Variants in ZBTB47 observed in about 807,000 individuals in gnomAD.
ZBTB47 encodes zinc finger and BTB domain containing 47.
In ZBTB47, 24 loss-of-function variants were observed where a neutral mutation model predicts 56.6. That is an observed-to-expected ratio of 0.42 (90% CI 0.31 to 0.60). ZBTB47 has a LOEUF of 0.60. ZBTB47 is among the 20% of genes least tolerant of loss of function. The pLI is 0.14. For synonymous variants in ZBTB47, 414 were observed against 418.9 expected, an observed-to-expected ratio of 0.99 and a Z score of 0.14; for missense variants, 829 against 1,032.6, an observed-to-expected ratio of 0.80 and a Z score of 2.70.
At chr3:42,657,588 G>A (rs1489319596) in intron 1 of ZBTB47, among the ~76,000 whole-genome samples, 1 of 152,198 alleles carries the variant, frequency 6.6e-6, no homozygotes, top group Non-Finnish European at 1.5e-5. Context: ...GTGGGGAGAA[G>A]GTATAGGCCC....
rs1436122951 is a variant in ZBTB47, at chr3:42,658,433, C to T, written c.78C>T (p.Ser26=). 16 of 1,536,916 alleles carry T rather than the reference C, an allele frequency of 1.0e-5. No individual in the cohort carries two copies. Among genetic ancestry groups the T allele is most frequent in the Admixed American group, 2.0e-5 (1 of 50,986 alleles). Residue 26 remains serine, a synonymous_variant, in exon 2 of 6, where the codon AGC becomes AGT. Coordinates refer to ENST00000232974, the MANE Select transcript of ZBTB47 (RefSeq NM_145166.4). ...DVDLVLVPQR[S]VFPAHKGVLA... ...ACTTGGTGCTGGTGCCCCAGCGCAG[C>T]GTCTTTCCGGCACACAAGGGTGTGC...
In ZBTB47 at chr3:42,656,501, T is replaced by C. The variant is rs1428311542; in HGVS notation, c.-81-1774T>C. On this transcript the variant is annotated intron_variant, in intron 1 of 5. Coordinates refer to ENST00000232974, the MANE Select transcript of ZBTB47 (RefSeq NM_145166.4). This position sits in a 1 kb window ranked among gnomAD's most constrained non-coding sequence, Gnocchi z 5.8. ...GCTTGGTGCCACGTCCCAGTTAGAT[T>C]GGCCAGGCCTGGACAGCCTGGGACA... is the stretch of plus-strand genomic sequence containing the variant. 1.3e-5 allele frequency among the ~76,000 whole-genome samples: 2 copies of C among 152,048 alleles called. No homozygotes were observed. The highest frequency in any genetic ancestry group is 1.3e-4 in the Admixed American group (2 of 15,288).
chr3:42,659,593 CA>C lies in ZBTB47; in HGVS notation c.1239del (p.Ser414ArgfsTer15). The stretch of plus-strand genomic sequence containing the variant: ...AAGCCACCCCCTGGAGTGGCCTCTG[CA>C]TCGGCCCGAGGGCCGCCAGCCACTG... ...RPKPPPGVASASARGPPATDG... is the reference protein window; with the variant it reads ...RPKPPPGVASXSARGPPATDG... On this transcript the variant is annotated frameshift_variant, in exon 2 of 6. Transcript: ENST00000232974. LOFTEE classifies it high-confidence loss of function. 1 of 1,600,342 alleles carries C rather than the reference CA, an allele frequency of 6.2e-7. No individual in the cohort carries two copies. The highest frequency in any genetic ancestry group is 8.5e-7 in the Non-Finnish European group (1 of 1,174,052).
chr3:42,663,262 AG>A lies in ZBTB47; in HGVS notation c.1737+137del, dbSNP rs1710743678. On this transcript the variant is annotated intron_variant, in intron 4 of 5. Transcript: ENST00000232974. This position sits in a 1 kb window ranked among gnomAD's most constrained non-coding sequence, Gnocchi z 5.1. ...CAGAAAGAGAGAGCCCTGCCCTCTG[AG>A]GTCTGCAGCCCCTGCCTCCCACTCC... 1 of 661,660 alleles carries A rather than the reference AG, an allele frequency of 1.5e-6. No individual in the cohort carries two copies. The highest frequency in any genetic ancestry group is 2.7e-6 in the Non-Finnish European group (1 of 377,176). 41.0% of individuals were successfully genotyped at this position (661,660 alleles called of 1,614,324 possible).
Position 42,663,961 on chromosome 3 carries a change from C to G in ZBTB47, c.1882+20C>G, listed in dbSNP as rs1177704860. 2 of 1,600,754 alleles carry G rather than the reference C, an allele frequency of 1.2e-6. No individual in the cohort carries two copies. Among genetic ancestry groups the G allele is most frequent in the East Asian group, 4.5e-5 (2 of 44,296 alleles). On this transcript the variant is annotated intron_variant, in intron 5 of 5. Coordinates refer to ENST00000232974, the MANE Select transcript of ZBTB47 (RefSeq NM_145166.4). The surrounding 1 kb of genome is among the most constrained non-coding windows in gnomAD (Gnocchi z 5.1). ...ACACAGGTGCGGCTGCCCCTGGGGACGGAGCTCGGTGCCGGGCCTGGGACC... is the reference window on the plus strand; with the variant it reads ...ACACAGGTGCGGCTGCCCCTGGGGAGGGAGCTCGGTGCCGGGCCTGGGACC...
rs1340543657 is a variant in ZBTB47, at chr3:42,663,571, C to T, written c.1738-226C>T. 2.0e-5 allele frequency among the ~76,000 whole-genome samples: 3 copies of T among 152,008 alleles called. No individual in the cohort carries two copies. Among genetic ancestry groups the T allele is most frequent in the Non-Finnish European group, 2.9e-5 (2 of 67,986 alleles). On this transcript the variant is annotated intron_variant, in intron 4 of 5. Coordinates refer to ENST00000232974, the MANE Select transcript of ZBTB47 (RefSeq NM_145166.4). The surrounding 1 kb of genome is among the most constrained non-coding windows in gnomAD (Gnocchi z 5.1). ...CTACTCTCTGGCTTTTTCCCACTTC[C>T]GACCCCCATTCCCCACCTAAGCCTT...
chr3:42,657,348 G>A (rs1190476827), intron 1 of ZBTB47, among the ~76,000 whole-genome samples: 1 of 152,242 alleles, frequency 6.6e-6, no homozygotes, highest in Non-Finnish European at 1.5e-5. Flanking sequence ...TACCTGACCT[G>A]GGGTCTGGGG....
rs1359937534 is a variant in ZBTB47, at chr3:42,658,946, C to T, written c.591C>T (p.Val197=). ...PFFKEEKEGG[V]EEAGGPPASL... is the part of the protein sequence containing the mutation. ...TTAAGGAGGAGAAGGAGGGTGGTGT[C>T]GAGGAGGCCGGTGGGCCCCCAGCCA... Residue 197 remains valine (V), a synonymous_variant, in exon 2 of 6, where the codon GTC becomes GTT. Transcript: ENST00000232974. 14 of 1,501,046 alleles carry T rather than the reference C, an allele frequency of 9.3e-6. No homozygotes were observed. Among genetic ancestry groups the T allele is most frequent in the South Asian group, 2.6e-5 (2 of 77,672 alleles). 93.0% of individuals were successfully genotyped at this position (1,501,046 alleles called of 1,614,324 possible).
In ZBTB47 at chr3:42,654,612, G is replaced by A. The variant is rs1372024516; in HGVS notation, c.-82+729G>A. 1 of 953,674 alleles carries A rather than the reference G, an allele frequency of 1.0e-6. No individual in the cohort carries two copies. Among genetic ancestry groups the A allele is most frequent in the Non-Finnish European group, 1.2e-6 (1 of 802,166 alleles). 59.1% of individuals were successfully genotyped at this position (953,674 alleles called of 1,614,324 possible). A position where few individuals can be genotyped will look rare whatever the true frequency, so the allele number is the denominator to read the frequency against. ...GCGCGGGGGCGGCCCCCAGCGCGGC[G>A]CTTCATGGAGCGGCCCTGGCCTGGC... On this transcript the variant is annotated intron_variant, in intron 1 of 5. Coordinates refer to ENST00000232974, the MANE Select transcript of ZBTB47 (RefSeq NM_145166.4). The surrounding 1 kb of genome is among the most constrained non-coding windows in gnomAD (Gnocchi z 5.0).
chr3:42,659,835 C>T lies in ZBTB47; in HGVS notation c.1473+7C>T, dbSNP rs563449485. On this transcript the variant is annotated splice_region_variant and intron_variant, in intron 2 of 5. Coordinates refer to ENST00000232974, the MANE Select transcript of ZBTB47 (RefSeq NM_145166.4). ...CTGCGAGCGCAACATCCAGGTGGGCCTCACGTGGCTGGGGGCAGGGCAGAG... is the reference window on the plus strand; with the variant it reads ...CTGCGAGCGCAACATCCAGGTGGGCTTCACGTGGCTGGGGGCAGGGCAGAG... The T allele has an allele frequency of 6.0e-4, 949 of 1,590,934 alleles. 8 individuals carry two copies. The highest frequency in any genetic ancestry group is 5.1e-3 in the Middle Eastern group (30 of 5,932).
At position 42,653,821 on chromosome 3, in the gene ZBTB47, G is replaced by A. The variant is rs3846059; in HGVS notation, c.-144G>A. 0.18 allele frequency: 26,679 copies of A among 152,398 alleles called. 2,861 individuals carry two copies. The highest frequency in any genetic ancestry group is 0.3 in the African/African-American group (12,528 of 41,508). 9.4% of individuals were successfully genotyped at this position (152,398 alleles called of 1,614,324 possible). On this transcript the variant is annotated 5_prime_UTR_variant, in exon 1 of 6. Transcript: ENST00000232974. ...TCACCTTAGATGATTTGATCGCTGCGGTTGTAGTCCTGGGATTTAAATCTC... is the reference window on the plus strand; with the variant it reads ...TCACCTTAGATGATTTGATCGCTGCAGTTGTAGTCCTGGGATTTAAATCTC...
Position 42,664,275 on chromosome 3 carries a change from T to C in ZBTB47, c.1921T>C (p.Phe641Leu). The change falls in exon 6 of 6, where the codon TTC becomes CTC. Residue 641 changes from phenylalanine (F) to leucine (L), a missense_variant. Phe to Leu is a conservative substitution (Grantham distance 22). Coordinates refer to ENST00000232974, the MANE Select transcript of ZBTB47 (RefSeq NM_145166.4). ...PYICEICGKS[F>L]TSRPNMKRHR... ...CATCTGCGAGATCTGTGGCAAGAGC[T>C]TCACCAGCCGGCCCAACATGAAGCG... 1 of 1,613,502 alleles carries C rather than the reference T, an allele frequency of 6.2e-7. No homozygotes were observed. The highest frequency in any genetic ancestry group is 8.5e-7 in the Non-Finnish European group (1 of 1,179,800).
rs1389281061 is a variant in ZBTB47 at position 42,658,787 on chromosome 3, G to A, written c.432G>A (p.Gln144=). Residue 144 remains glutamine, a synonymous_variant, in exon 2 of 6, where the codon CAG becomes CAA. Transcript: ENST00000232974. ...AAPPYYCDIK[Q]EADTPGLPKI... ...CGCCCTACTACTGTGACATCAAGCA[G>A]GAGGCCGACACCCCAGGCCTGCCCA... 1 of 1,532,484 alleles carries A rather than the reference G, an allele frequency of 6.5e-7. No homozygotes were observed. Among genetic ancestry groups the A allele is most frequent in the Non-Finnish European group, 8.7e-7 (1 of 1,144,904 alleles). 94.9% of individuals were successfully genotyped at this position (1,532,484 alleles called of 1,614,324 possible). A position where few individuals can be genotyped will look rare whatever the true frequency, so the allele number is the denominator to read the frequency against.
Position 42,659,418 on chromosome 3 carries a change from G to A in ZBTB47, c.1063G>A (p.Ala355Thr). The A allele has an allele frequency of 7.7e-7, 1 of 1,294,710 alleles. No homozygotes were observed. Among genetic ancestry groups the A allele is most frequent in the Non-Finnish European group, 1.0e-6 (1 of 1,002,034 alleles). 80.2% of individuals were successfully genotyped at this position (1,294,710 alleles called of 1,614,324 possible). A position where few individuals can be genotyped will look rare whatever the true frequency, so the allele number is the denominator to read the frequency against. ...GGAGGAGGAGGGGGAGGAGGGGGAG[G>A]CTGGGGGCAAGCAGGGGCCACGGGG... ...SEEEEGEEGEAGGKQGPRGSR... is the reference protein window; with the variant it reads ...SEEEEGEEGETGGKQGPRGSR... Residue 355 changes from alanine to threonine, a missense_variant, in exon 2 of 6, where the codon GCT (alanine) becomes ACT (threonine). By Grantham distance (58) the Ala-to-Thr change is moderately conservative. Transcript: ENST00000232974.
At position 42,664,098 on chromosome 3, in the gene ZBTB47, CA is replaced by C. The variant is rs1710753762; in HGVS notation, c.1883-135del. On this transcript the variant is annotated intron_variant, in intron 5 of 5. Transcript: ENST00000232974. ...CTCCCAGGGTTGGGTGAGGCTGGCACAAAATGCCCCAGGGTCGGGGAGGATC... is the reference window on the plus strand; with the variant it reads ...CTCCCAGGGTTGGGTGAGGCTGGCACAAATGCCCCAGGGTCGGGGAGGATC... 5 of 1,471,452 alleles carry C rather than the reference CA, an allele frequency of 3.4e-6. No individual in the cohort carries two copies. In the South Asian group the frequency reaches 5.5e-5, roughly 16 times the overall value. The allele number at this position is 1,471,452 out of a possible 1,614,324, so 91.1% of individuals were successfully genotyped here.
chr3:42,663,086 C>T lies in ZBTB47; in HGVS notation c.1696C>T (p.His566Tyr). ...SFKRSMSLKV[H>Y]SLQHSGEKPF... The stretch of plus-strand genomic sequence containing the variant: ...CAAGCGCAGCATGTCCCTCAAGGTG[C>T]ACTCACTGCAGCACTCAGGGGAGAA... Residue 566 changes from histidine to tyrosine, a missense_variant, in exon 4 of 6, where the codon CAC becomes TAC. Transcript: ENST00000232974. The surrounding 1 kb of genome is among the most constrained non-coding windows in gnomAD (Gnocchi z 5.1). 6.2e-7 allele frequency: 1 copy of T among 1,613,940 alleles called. No homozygotes were observed. Among genetic ancestry groups the T allele is most frequent in the African/African-American group, 1.3e-5 (1 of 75,066 alleles).
At chr3:42,660,460 A>G (rs902869160) in intron 2 of ZBTB47, among the ~76,000 whole-genome samples, 5 of 152,162 alleles carry the variant, frequency 3.3e-5, no homozygotes, top group Admixed American at 3.3e-4. Context: ...GGAAGAGCAG[A>G]GGCTGCTGGG....
rs368914786 is a variant in ZBTB47 at position 42,659,602 on chromosome 3, G to A, written c.1247G>A (p.Arg416Gln). ...CCTGGAGTGGCCTCTGCATCGGCCCGAGGGCCGCCAGCCACTGATGGGCTG... is the reference window on the plus strand; with the variant it reads ...CCTGGAGTGGCCTCTGCATCGGCCCAAGGGCCGCCAGCCACTGATGGGCTG... ...PPPGVASASA[R>Q]GPPATDGLGA... The change falls in exon 2 of 6, where the codon CGA (arginine) becomes CAA (glutamine). Residue 416 changes from arginine (R) to glutamine (Q), a missense_variant. Arg to Gln is a conservative substitution (Grantham distance 43). Transcript: ENST00000232974. The A allele has an allele frequency of 3.4e-5, 55 of 1,599,190 alleles. No individual in the cohort carries two copies. Among genetic ancestry groups the A allele is most frequent in the Non-Finnish European group, 4.3e-5 (50 of 1,173,738 alleles).
In ZBTB47 at chr3:42,658,811, C is replaced by T. The variant is rs779496059; in HGVS notation, c.456C>T (p.Pro152=). ...IKQEADTPGL[P]KIYAREGPDP... ...AGGAGGCCGACACCCCAGGCCTGCC[C>T]AAGATCTATGCCCGCGAGGGCCCTG... The change falls in exon 2 of 6, where the codon CCC becomes CCT. Residue 152 remains proline (P), a synonymous_variant. Transcript: ENST00000232974. 3.3e-6 allele frequency: 5 copies of T among 1,533,934 alleles called. No individual in the cohort carries two copies. In the South Asian group the frequency reaches 6.0e-5, roughly 18 times the overall value.
Sources: gnomAD v4.1 joint callset for allele counts (sites outside exome capture counted in the v4.1 genomes callset) on GRCh38, gnomAD v4.1.1 for gene constraint, Gnocchi (gnomAD v3.1) non-coding constraint, MANE v1.5 for transcripts, NCBI Gene and HGNC (gene_info 2026-07-23, HGNC 2026-07-21) for gene names.